HADHA: variants seen among roughly 807,000 people sequenced by gnomAD.
HADHA encodes hydroxyacyl-CoA dehydrogenase trifunctional multienzyme complex subunit alpha, also known as trifunctional enzyme subunit alpha, mitochondrial.
A neutral mutation model predicts 91.3 loss-of-function variants in HADHA; 59 were observed. The observed-to-expected ratio is 0.65, with a 90% CI of 0.52 to 0.80. The LOEUF (loss-of-function observed/expected upper bound fraction) is 0.80, where lower values mean the gene tolerates loss of function less well. Among genes scored for constraint, HADHA ranks in the 30% least tolerant of loss-of-function variants. The pLI is 0.00. For missense variants in HADHA, 800 were observed against 927.6 expected, an observed-to-expected ratio of 0.86 and a Z score of 1.79; for synonymous variants, 320 against 338.9, an observed-to-expected ratio of 0.94 and a Z score of 0.61.
chr2:26,227,602 A>T (rs971546417), intron 7 of HADHA, among the ~76,000 whole-genome samples: 2 of 152,150 alleles, frequency 1.3e-5, no homozygotes, highest in African/African-American at 4.8e-5. Context: ...GTTGGTACCT[A>T]GAACTCTCAT....
chr2:26,243,977 T>A (rs905511873), intron 1 of HADHA, among the ~76,000 whole-genome samples: 5 of 152,258 alleles, frequency 3.3e-5, no homozygotes, highest in African/African-American at 1.2e-4. Context: ...ACGTTCACAC[T>A]GACATTACTG....
chr2:26,213,851 C>T (rs1173681119), intron 9 of HADHA, among the ~76,000 whole-genome samples: 1 of 152,220 alleles, frequency 6.6e-6, no homozygotes, highest in East Asian at 1.9e-4. Flanking sequence ...TACTTGCTGA[C>T]TGACCCATTC....
chr2:26,214,714 A>G lies in HADHA; in HGVS notation c.800-153T>C. The stretch of plus-strand genomic sequence containing the variant: ...ACACAATATAAATTTCAACCTAAGC[A>G]CTACCTTAAACATGCTAAGTGATGA... On this transcript the variant is annotated intron_variant, in intron 8 of 19. Transcript: ENST00000380649. The surrounding 1 kb of genome is among the most constrained non-coding windows in gnomAD (Gnocchi z 4.1). 2 of 653,714 alleles carry G rather than the reference A, an allele frequency of 3.1e-6. No homozygotes were observed. The highest frequency in any genetic ancestry group is 5.4e-6 in the Non-Finnish European group (2 of 367,744). 40.5% of individuals were successfully genotyped at this position (653,714 alleles called of 1,614,324 possible). A position where few individuals can be genotyped will look rare whatever the true frequency, so the allele number is the denominator to read the frequency against.
chr2:26,207,597 A>G (rs189752808), intron 11 of HADHA, among the ~76,000 whole-genome samples: 88 of 152,262 alleles, frequency 5.8e-4, no homozygotes, highest in East Asian at 9.7e-4. Context: ...CATCTTCAGC[A>G]CCCTTGAAAT....
intron 7 of HADHA, among the ~76,000 whole-genome samples, chr2:26,220,806 G>C (rs1670355514): frequency 6.6e-6 from 1 of 152,198 alleles, no homozygotes; most frequent in Admixed American, 6.5e-5. Flanking sequence ...TCCACAGAGA[G>C]CCTGATTACC....
At position 26,191,664 on chromosome 2, in the gene HADHA, G is replaced by A. The variant is rs575328538; in HGVS notation, c.2001-36C>T. On this transcript the variant is annotated intron_variant, in intron 18 of 19. Coordinates refer to ENST00000380649, the MANE Select transcript of HADHA (RefSeq NM_000182.5). ...AAAGAGATGTTTAGGTAGAAGAAGAGGAAAAGGGGAGGAAAGCCAGAGCCG... is the reference window on the plus strand; with the variant it reads ...AAAGAGATGTTTAGGTAGAAGAAGAAGAAAAGGGGAGGAAAGCCAGAGCCG... 5.8e-5 allele frequency: 94 copies of A among 1,608,324 alleles called. No individual in the cohort carries two copies. In the East Asian group the frequency reaches 2.0e-3, roughly 35 times the overall value.
In HADHA at chr2:26,210,645, C is replaced by T. The variant is rs1187089546; in HGVS notation, c.976-756G>A. On this transcript the variant is annotated intron_variant, in intron 10 of 19. Transcript: ENST00000380649. This position sits in a 1 kb window ranked among gnomAD's most constrained non-coding sequence, Gnocchi z 4.0. ...AGGCGTGAGCCACCGTGCCTCGCCT[C>T]GAACTCCGGTTCTTTTTCCACTGTA... 1 of 152,240 alleles carries T rather than the reference C, an allele frequency of 6.6e-6. No homozygotes were observed. Among genetic ancestry groups the T allele is most frequent in the Non-Finnish European group, 1.5e-5 (1 of 68,088 alleles). 9.4% of individuals were successfully genotyped at this position (152,240 alleles called of 1,614,324 possible).
intron 11 of HADHA, among the ~76,000 whole-genome samples, chr2:26,204,691 C>T (rs900987413): frequency 2.0e-4 from 30 of 152,094 alleles, no homozygotes; most frequent in African/African-American, 7.0e-4. Flanking sequence ...ACAAGTGATC[C>T]TTCTGCCTCA....
At chr2:26,231,876 G>A (rs1040482189) in intron 6 of HADHA, among the ~76,000 whole-genome samples, 2 of 151,608 alleles carry the variant, frequency 1.3e-5, no homozygotes, top group African/African-American at 2.4e-5. Context: ...GGCTGAGGCA[G>A]GAGAATCGCT....
intron 9 of HADHA, 32 bp from the exon 10 acceptor site, chr2:26,212,658 T>G: frequency 7.1e-7 from 1 of 1,411,426 alleles, no homozygotes; most frequent in Non-Finnish European, 1.0e-6. Flanking sequence ...TGCTCAGCGT[T>G]GGAATAGATT....
intron 7 of HADHA, among the ~76,000 whole-genome samples, chr2:26,228,102 C>T (rs1032334245): frequency 6.6e-6 from 1 of 151,624 alleles, no homozygotes; most frequent in Admixed American, 6.6e-5. Flanking sequence ...CAGTACTTAC[C>T]CAACAGAAAT....
At chr2:26,207,705 A>G (rs137883749) in intron 11 of HADHA, among the ~76,000 whole-genome samples, 54 of 152,358 alleles carry the variant, frequency 3.5e-4, no homozygotes, top group African/African-American at 1.3e-3. Context: ...GGTTGATTAC[A>G]CAGAAATGTT....
intron 7 of HADHA, among the ~76,000 whole-genome samples, chr2:26,226,025 CA>C (rs1365886944): frequency 3.3e-5 from 5 of 151,902 alleles, no homozygotes; most frequent in South Asian, 2.1e-4. Flanking sequence ...GGTCCATGTC[CA>C]AAAATCTTTG....
intron 16 of HADHA, among the ~76,000 whole-genome samples, chr2:26,194,257 C>T (rs1669595984): frequency 6.6e-6 from 1 of 152,088 alleles, no homozygotes; most frequent in Admixed American, 6.5e-5. Flanking sequence ...TTGAACCAAG[C>T]GGGCCCTGTT....
intron 1 of HADHA, among the ~76,000 whole-genome samples, chr2:26,243,580 C>T (rs1670976472): frequency 1.3e-5 from 2 of 151,836 alleles, no homozygotes; most frequent in Non-Finnish European, 2.9e-5. Flanking sequence ...GGGATTTCAG[C>T]TACTTGTCTA....
At chr2:26,230,134 C>T (rs943740300) in intron 7 of HADHA, 58 bp downstream of exon 7, 5 of 1,118,838 alleles carry the variant, frequency 4.5e-6, no homozygotes, top group East Asian at 2.4e-5. Context: ...AAGAGGTTAA[C>T]TCTTTAAGAA....
chr2:26,234,162 G>A lies in HADHA; in HGVS notation c.453+55C>T, dbSNP rs201602394. The A allele has an allele frequency of 1.7e-4, 259 of 1,534,480 alleles. 2 individuals carry two copies. The East Asian group carries it at 5.4e-3, about 32-fold the overall frequency. On this transcript the variant is annotated intron_variant, in intron 5 of 19. Coordinates refer to ENST00000380649, the MANE Select transcript of HADHA (RefSeq NM_000182.5). ...AGCAGTAGCCTAAGGGTTTACAGCT[G>A]ATGAATGCCACCAATGAGTTGGACA...
intron 7 of HADHA, among the ~76,000 whole-genome samples, chr2:26,218,736 T>C (rs35532350): frequency 0.82 from 124,941 of 151,950 alleles, 51,721 homozygotes; most frequent in African/African-American, 0.93. Context: ...CGGCCAGGTG[T>C]GGTGGCTCAC....
chr2:26,194,522 A>C, intron 16 of HADHA, 48 bp downstream of exon 16: 1 of 1,082,666 alleles, frequency 9.2e-7, no homozygotes, highest in Non-Finnish European at 1.4e-6. Flanking sequence ...TTTTAGAGTG[A>C]CTGAAGGAGT....
Sources: allele counts gnomAD v4.1 joint callset (sites outside exome capture counted in the v4.1 genomes callset), GRCh38; gene constraint gnomAD v4.1.1; non-coding constraint Gnocchi (gnomAD v3.1); transcripts MANE v1.5; gene names NCBI Gene and HGNC (gene_info 2026-07-23, HGNC 2026-07-21).